The following NTRK2 variants were observed in gnomAD, a reference collection of about 807,000 sequenced individuals.
NTRK2 encodes neurotrophic receptor tyrosine kinase 2, also known as BDNF/NT-3 growth factors receptor.
NTRK2 carries 13 observed loss-of-function variants against 94.5 expected under a neutral mutation model. That is an observed-to-expected ratio of 0.14 (90% CI 0.09 to 0.22). The LOEUF (loss-of-function observed/expected upper bound fraction) is 0.22, where lower values mean the gene tolerates loss of function less well. NTRK2 is among the 10% of genes least tolerant of loss of function. The pLI is 1.00. For missense variants in NTRK2, 639 were observed against 1,071.2 expected (o/e 0.60, Z 5.63); for synonymous variants, 372 against 407.4 (o/e 0.91, Z 1.05).
chr9:84,932,426 T>C (rs1344548097), intron 14 of NTRK2, among the ~76,000 whole-genome samples: 1 of 152,152 alleles, frequency 6.6e-6, no homozygotes, highest in East Asian at 1.9e-4. Flanking sequence ...AACACACTGG[T>C]GCTTCAAAGT....
At chr9:84,915,421 G>A (rs1482067265) in intron 14 of NTRK2, among the ~76,000 whole-genome samples, 1 of 152,156 alleles carries the variant, frequency 6.6e-6, no homozygotes, top group Non-Finnish European at 1.5e-5. Flanking sequence ...GTTCTTGAGA[G>A]CCCTGGTTGT....
At chr9:84,960,197 C>T (rs779585212) in intron 17 of NTRK2, among the ~76,000 whole-genome samples, 6 of 152,166 alleles carry the variant, frequency 3.9e-5, no homozygotes, top group Non-Finnish European at 2.9e-5. Context: ...AGGAAATCAT[C>T]ATTAGATGCC....
chr9:84,816,794 A>G (rs1009547980), intron 12 of NTRK2, among the ~76,000 whole-genome samples: 24 of 151,826 alleles, frequency 1.6e-4, no homozygotes, highest in African/African-American at 4.8e-4. Flanking sequence ...AAAAAAAAAA[A>G]AAAAAGAAAA....
At chr9:85,002,650 C>T (rs555923389) in intron 17 of NTRK2, among the ~76,000 whole-genome samples, 2 of 152,322 alleles carry the variant, frequency 1.3e-5, no homozygotes, top group Non-Finnish European at 2.9e-5. Flanking sequence ...TTACTAAATA[C>T]ACACTGTAAA....
intron 12 of NTRK2, among the ~76,000 whole-genome samples, chr9:84,756,999 A>G (rs1421844166): frequency 6.6e-6 from 1 of 152,252 alleles, no homozygotes; most frequent in African/African-American, 2.4e-5. Flanking sequence ...AAAGCCTTTT[A>G]TATGAGCTGA....
At chr9:84,856,391 T>C (rs1364265832) in intron 12 of NTRK2, among the ~76,000 whole-genome samples, 1 of 152,202 alleles carries the variant, frequency 6.6e-6, no homozygotes, top group Non-Finnish European at 1.5e-5. Flanking sequence ...CCGGAGGGAC[T>C]GGAATTAATT....
At chr9:84,975,536 G>A (rs1826734276) in intron 17 of NTRK2, among the ~76,000 whole-genome samples, 1 of 152,184 alleles carries the variant, frequency 6.6e-6, no homozygotes, top group Admixed American at 6.5e-5. Flanking sequence ...AAGTTGCACA[G>A]GCAGTGCAGC....
chr9:84,761,962 A>G (rs954947342), intron 12 of NTRK2, among the ~76,000 whole-genome samples: 1 of 152,078 alleles, frequency 6.6e-6, no homozygotes, highest in African/African-American at 2.4e-5. Flanking sequence ...CAATTGAATC[A>G]TGGGGGTGGG....
chr9:84,779,175 T>C (rs2067327354), intron 12 of NTRK2, among the ~76,000 whole-genome samples: 1 of 152,130 alleles, frequency 6.6e-6, no homozygotes, highest in Non-Finnish European at 1.5e-5. Context: ...ATAATAATAA[T>C]AAAAATCCAC....
rs1329386323 is a variant in NTRK2, at chr9:84,780,777, G to T, written c.1396+28692G>T. Among the ~76,000 whole-genome samples, 3 of 152,204 alleles carry T rather than the reference G, an allele frequency of 2.0e-5. 1 individual carries two copies. The highest frequency in any genetic ancestry group is 4.4e-5 in the Non-Finnish European group (3 of 68,040). On this transcript the variant is annotated intron_variant, in intron 12 of 18. Transcript: ENST00000277120. ...ATAGTTCCTACTTGATTAGGTCTCAGTTAAGAGCTAGTATATTAGATGGTT... is the reference window on the plus strand; with the variant it reads ...ATAGTTCCTACTTGATTAGGTCTCATTTAAGAGCTAGTATATTAGATGGTT...
intron 17 of NTRK2, among the ~76,000 whole-genome samples, chr9:84,980,948 G>A (rs1374054813): frequency 6.6e-6 from 1 of 152,218 alleles, no homozygotes; most frequent in Non-Finnish European, 1.5e-5. Context: ...TGTAGGCAAT[G>A]ACCTCATGGC....
intron 12 of NTRK2, among the ~76,000 whole-genome samples, chr9:84,794,298 G>A (rs375626649): frequency 1.6e-4 from 25 of 152,320 alleles, no homozygotes; most frequent in African/African-American, 5.8e-4. Flanking sequence ...GAAAATGGGG[G>A]CATCCTTGTC....
rs571221188 is a variant in NTRK2, at chr9:84,721,330, T to C, written c.584-2243T>C. On this transcript the variant is annotated intron_variant, in intron 6 of 18. Transcript: ENST00000277120. Reference sequence around the variant, plus strand: ...AGCTGGGATTACAGGCACCCGCCACTGCGCACGGCTAATTTTTTGTATTTT... The same window carrying C: ...AGCTGGGATTACAGGCACCCGCCACCGCGCACGGCTAATTTTTTGTATTTT... 2.2e-3 allele frequency among the ~76,000 whole-genome samples: 333 copies of C among 152,200 alleles called. 2 individuals are homozygous for C. The highest frequency in any genetic ancestry group is 7.2e-3 in the African/African-American group (297 of 41,530).
At chr9:85,015,904 G>C (rs975329364) in intron 17 of NTRK2, among the ~76,000 whole-genome samples, 4 of 152,194 alleles carry the variant, frequency 2.6e-5, no homozygotes, top group Non-Finnish European at 5.9e-5. Context: ...CAGAAAAGCA[G>C]AGTGGTCCAT....
rs1318316132 is a variant in NTRK2 at position 84,727,664 on chromosome 9, T to G, written c.864T>G (p.Thr288=). The part of the protein sequence containing the change: ...SVNLTVHFAP[T]ITFLESPTSD... ...TCTTTTTCAATTTAGTTGCACCAAC[T>G]ATCACATTTCTCGAATCTCCAACCT... is the stretch of plus-strand genomic sequence containing the variant. Residue 288 remains threonine (T), a synonymous_variant, in exon 9 of 19, where the codon ACT becomes ACG. Coordinates refer to ENST00000277120, the MANE Select transcript of NTRK2 (RefSeq NM_006180.6). 1 of 1,612,460 alleles carries G rather than the reference T, an allele frequency of 6.2e-7. No individual in the cohort carries two copies. The highest frequency in any genetic ancestry group is 8.5e-7 in the Non-Finnish European group (1 of 1,179,914).
At chr9:84,837,722 A>G (rs1369806858) in intron 12 of NTRK2, among the ~76,000 whole-genome samples, 1 of 152,222 alleles carries the variant, frequency 6.6e-6, no homozygotes, top group African/African-American at 2.4e-5. Flanking sequence ...AAGAAAGTCT[A>G]TTTGGTTGTC....
chr9:84,759,673 C>A (rs1300337642), intron 12 of NTRK2, among the ~76,000 whole-genome samples: 2 of 152,234 alleles, frequency 1.3e-5, no homozygotes, highest in African/African-American at 2.4e-5. Flanking sequence ...GACCTCCTCA[C>A]ATAGCTTATG....
chr9:84,994,390 A>G (rs1215015743), intron 17 of NTRK2, among the ~76,000 whole-genome samples: 1 of 152,220 alleles, frequency 6.6e-6, no homozygotes, highest in Non-Finnish European at 1.5e-5. Context: ...CTTTTCCCAG[A>G]TAACATCTAA....
intron 14 of NTRK2, among the ~76,000 whole-genome samples, chr9:84,879,029 A>G (rs2076174973): frequency 6.6e-6 from 1 of 152,178 alleles, no homozygotes; most frequent in Admixed American, 6.5e-5. Flanking sequence ...ATCCTGTGCT[A>G]TCTACTGAAA....
Sources: allele counts gnomAD v4.1 joint callset (sites outside exome capture counted in the v4.1 genomes callset), GRCh38; gene constraint gnomAD v4.1.1; transcripts MANE v1.5; gene names NCBI Gene and HGNC (gene_info 2026-07-23, HGNC 2026-07-21).